Variants in ADGRL2 observed in about 807,000 individuals in gnomAD.
The protein encoded by ADGRL2 is adhesion G protein-coupled receptor L2.
ADGRL2 carries 44 observed loss-of-function variants against 157.4 expected under a neutral mutation model. The ratio of observed to expected loss-of-function variants is 0.28; its 90% CI spans 0.22 to 0.36. ADGRL2 has a LOEUF of 0.36. ADGRL2 is among the 10% of genes least tolerant of loss of function. ADGRL2 has a pLI of 1.00. For synonymous variants in ADGRL2, 585 were observed against 624.7 expected, an observed-to-expected ratio of 0.94 and a Z score of 0.95; for missense variants, 1,510 against 1,768.9, an observed-to-expected ratio of 0.85 and a Z score of 2.63.
At chr1:81,512,571 T>C (rs1234272750) in intron 2 of ADGRL2, among the ~76,000 whole-genome samples, 2 of 152,172 alleles carry the variant, frequency 1.3e-5, no homozygotes, top group South Asian at 4.1e-4. Flanking sequence ...ATACATCTCT[T>C]TGCATGTCAG....
chr1:81,538,147 A>G (rs2079791205), intron 2 of ADGRL2, among the ~76,000 whole-genome samples: 1 of 152,156 alleles, frequency 6.6e-6, no homozygotes, highest in Non-Finnish European at 1.5e-5. Flanking sequence ...GGCTTTTACT[A>G]GGTTTTATTT....
chr1:81,404,686 C>T (rs1158357031), intron 1 of ADGRL2, among the ~76,000 whole-genome samples: 1 of 152,140 alleles, frequency 6.6e-6, no homozygotes, highest in Admixed American at 6.5e-5. Flanking sequence ...AATCCATATT[C>T]AGGTGAATAG....
At chr1:81,831,059 T>A (rs2091910211) in intron 1 of ADGRL2, among the ~76,000 whole-genome samples, 1 of 152,162 alleles carries the variant, frequency 6.6e-6, no homozygotes. Flanking sequence ...ATCTTATGAG[T>A]GAGCCACGTT....
intron 1 of ADGRL2, among the ~76,000 whole-genome samples, chr1:81,741,495 T>A (rs897895686): frequency 6.6e-6 from 1 of 152,058 alleles, no homozygotes; most frequent in African/African-American, 2.4e-5. Flanking sequence ...TCGTAGAGTA[T>A]TACCTTTACT....
chr1:81,352,781 C>T (rs1286761804), intron 1 of ADGRL2, among the ~76,000 whole-genome samples: 1 of 151,976 alleles, frequency 6.6e-6, no homozygotes, highest in Non-Finnish European at 1.5e-5. Context: ...CATAAGCAAT[C>T]AGGTAGAGTT....
intron 2 of ADGRL2, among the ~76,000 whole-genome samples, chr1:81,504,905 G>A (rs1334698750): frequency 2.0e-5 from 3 of 152,200 alleles, no homozygotes; most frequent in African/African-American, 7.2e-5. Context: ...TGGACCCTGC[G>A]CGGGAGCAGG....
chr1:81,621,056 A>G (rs898171954), intron 3 of ADGRL2, among the ~76,000 whole-genome samples: 3 of 152,112 alleles, frequency 2.0e-5, no homozygotes, highest in Non-Finnish European at 4.4e-5. Context: ...CCCCCATATC[A>G]TGGTGCTTTT....
chr1:81,506,103 G>C (rs1307871014), intron 2 of ADGRL2: 1 of 157,922 alleles, frequency 6.3e-6, no homozygotes, highest in African/African-American at 2.4e-5. Flanking sequence ...ATCAAATACA[G>C]GTCAAGAGTA....
chr1:81,554,966 G>A (rs775894248), intron 2 of ADGRL2, among the ~76,000 whole-genome samples: 27 of 152,058 alleles, frequency 1.8e-4, no homozygotes, highest in Non-Finnish European at 3.4e-4. Flanking sequence ...GGAGAACCAA[G>A]CAAGGGCAGT....
At chr1:81,348,265 A>C (rs555316118) in intron 1 of ADGRL2, among the ~76,000 whole-genome samples, 1 of 152,194 alleles carries the variant, frequency 6.6e-6, no homozygotes, top group African/African-American at 2.4e-5. Flanking sequence ...CCTCCCCAAC[A>C]GACACACACA....
At chr1:81,656,399 G>A (rs978114414) in intron 3 of ADGRL2, among the ~76,000 whole-genome samples, 2 of 152,178 alleles carry the variant, frequency 1.3e-5, no homozygotes, top group East Asian at 3.9e-4. Context: ...AGATGTGACT[G>A]GCTCAGATTC....
intron 1 of ADGRL2, among the ~76,000 whole-genome samples, chr1:81,338,315 A>G (rs1445169358): frequency 6.6e-6 from 1 of 152,144 alleles, no homozygotes; most frequent in African/African-American, 2.4e-5. Flanking sequence ...GTGAGCCAAG[A>G]TGGCGCCACT....
At chr1:81,337,252 A>C (rs1661711597) in intron 1 of ADGRL2, among the ~76,000 whole-genome samples, 1 of 152,170 alleles carries the variant, frequency 6.6e-6, no homozygotes, top group Non-Finnish European at 1.5e-5. Flanking sequence ...GGGCTGTCAC[A>C]CTGAGCTGTT....
chr1:81,510,343 G>A (rs1266197347), intron 2 of ADGRL2, among the ~76,000 whole-genome samples: 1 of 152,132 alleles, frequency 6.6e-6, no homozygotes, highest in Non-Finnish European at 1.5e-5. Context: ...GAGAAATAGA[G>A]GGAATTTTTT....
intron 2 of ADGRL2, among the ~76,000 whole-genome samples, chr1:81,447,511 C>T (rs758020106): frequency 2.0e-5 from 3 of 152,056 alleles, no homozygotes; most frequent in Admixed American, 6.6e-5. Context: ...AGGAAAGTGT[C>T]GCTGTTAAAA....
chr1:81,706,160 C>G (rs956054289), intron 1 of ADGRL2, among the ~76,000 whole-genome samples: 1 of 151,550 alleles, frequency 6.6e-6, no homozygotes, highest in Non-Finnish European at 1.5e-5. Flanking sequence ...GATCACGTCA[C>G]TGCACTCCAG....
intron 1 of ADGRL2, among the ~76,000 whole-genome samples, chr1:81,809,753 C>T (rs768170635): frequency 6.6e-6 from 1 of 151,384 alleles, no homozygotes; most frequent in African/African-American, 2.4e-5. Context: ...CTGTATATAT[C>T]AATACTTGTT....
chr1:81,468,082 C>T (rs1015639258), intron 2 of ADGRL2, among the ~76,000 whole-genome samples: 1 of 152,080 alleles, frequency 6.6e-6, no homozygotes, highest in African/African-American at 2.4e-5. Context: ...TTGGTTTTCT[C>T]GAAGATTGAA....
intron 3 of ADGRL2, among the ~76,000 whole-genome samples, chr1:81,619,731 A>ATGTG (rs34153343): frequency 8.5e-4 from 127 of 149,558 alleles, no homozygotes; most frequent in Middle Eastern, 3.5e-3. Flanking sequence ...GGGTGTGTGT[A>ATGTG]TGTGTGTGTG....
Sources: gnomAD v4.1 joint callset for allele counts (sites outside exome capture counted in the v4.1 genomes callset) on GRCh38, gnomAD v4.1.1 for gene constraint, MANE v1.5 for transcripts, NCBI Gene and HGNC (gene_info 2026-07-23, HGNC 2026-07-21) for gene names.